CHRDL2: variants seen among roughly 807,000 people sequenced by gnomAD.
CHRDL2 encodes the protein chordin-like protein 2.
Under a neutral mutation model 54.3 loss-of-function variants are expected in CHRDL2, and 41 were observed. That is an observed-to-expected ratio of 0.76 (90% confidence interval 0.59 to 0.98). The LOEUF is 0.98. Ranked by LOEUF, CHRDL2 falls within the 50% of genes least tolerant of loss-of-function variation. The pLI is 0.00. For synonymous variants in CHRDL2, 220 were observed against 224.3 expected, an observed-to-expected ratio of 0.98 and a Z score of 0.17; for missense variants, 518 against 562.4, an observed-to-expected ratio of 0.92 and a Z score of 0.80.
At chr11:74,706,657 CA>C (rs1245768158) in intron 5 of CHRDL2, 115 bp from the exon 6 acceptor site, 3 of 908,892 alleles carry the variant, frequency 3.3e-6, no homozygotes, top group Non-Finnish European at 5.3e-6. Context: ...GTCCCATCTG[CA>C]GCCCCAGCCC....
Position 74,711,897 on chromosome 11 carries a change from C to G in CHRDL2, c.290-906G>C, listed in dbSNP as rs183808287. ...CGATCTCAGCTCACTGCAACCTCCA[C>G]CTCCCAGCTTCAAGCAATTCTCCTG... On this transcript the variant is annotated intron_variant, in intron 3 of 10. Transcript: ENST00000376332. Among the ~76,000 whole-genome samples, 57 of 152,074 alleles carry G rather than the reference C, an allele frequency of 3.7e-4. No homozygotes were observed. In the East Asian group the frequency reaches 8.9e-3, roughly 24 times the overall value.
chr11:74,698,245 T>TTG (rs59506250), intron 9 of CHRDL2: 1 of 137,024 alleles, frequency 7.3e-6, no homozygotes, highest in Non-Finnish European at 1.6e-5. Flanking sequence ...TTTTTTTTTT[T>TTG]GTATTTTTAG....
At chr11:74,697,180 C>T (rs1379819089) in intron 10 of CHRDL2, 25 bp downstream of exon 10, 1 of 1,590,338 alleles carries the variant, frequency 6.3e-7, no homozygotes, top group Non-Finnish European at 8.6e-7. Context: ...CTGCCCCGGC[C>T]CCATTCCTCA....
intron 1 of CHRDL2, among the ~76,000 whole-genome samples, chr11:74,729,156 T>G (rs1441277939): frequency 6.6e-6 from 1 of 152,162 alleles, no homozygotes; most frequent in East Asian, 1.9e-4. Flanking sequence ...TCAAGGGCAA[T>G]GATATCTGGA....
At chr11:74,703,631 A>G in intron 7 of CHRDL2, 132 bp from the exon 8 acceptor site, 2 of 720,266 alleles carry the variant, frequency 2.8e-6, no homozygotes, top group Non-Finnish European at 4.5e-6. Flanking sequence ...CACTGCCTGC[A>G]AAGCATAGGC....
intron 9 of CHRDL2, among the ~76,000 whole-genome samples, chr11:74,702,502 A>AG (rs2135236966): frequency 6.6e-6 from 1 of 152,272 alleles, no homozygotes; most frequent in East Asian, 1.9e-4. Context: ...TCCTGCCATT[A>AG]GACATCTGTC....
At chr11:74,723,197 C>G (rs1436532867) in intron 1 of CHRDL2, among the ~76,000 whole-genome samples, 1 of 152,132 alleles carries the variant, frequency 6.6e-6, no homozygotes, top group East Asian at 1.9e-4. Context: ...TTGGGACAGA[C>G]TGGATAGGAT....
intron 9 of CHRDL2, chr11:74,699,713 C>G (rs141505976): frequency 2.0e-5 from 3 of 152,290 alleles, no homozygotes; most frequent in Non-Finnish European, 4.4e-5. Context: ...GGGGCTGGCC[C>G]CTCGTGGTGT....
chr11:74,711,514 C>T (rs976849373), intron 3 of CHRDL2, among the ~76,000 whole-genome samples: 3 of 152,202 alleles, frequency 2.0e-5, no homozygotes, highest in South Asian at 2.1e-4. Flanking sequence ...ATCACCTGCC[C>T]ATCAGTCCGT....
Position 74,702,829 on chromosome 11 carries a change from T to C in CHRDL2, c.1085A>G (p.Asp362Gly), listed in dbSNP as rs770225911. The change falls in exon 9 of 11, where the codon GAC becomes GGC. Residue 362 changes from aspartate to glycine, a missense_variant. Transcript: ENST00000376332. ...CTTCCAGAGGTAGATCTCCACCAAG[T>C]CCGAGGCCTCGTGTTCCAGGGCAAA... ...RRFALEHEASDLVEIYLWKLV... is the reference protein window; with the variant it reads ...RRFALEHEASGLVEIYLWKLV... 2.5e-6 allele frequency: 4 copies of C among 1,614,088 alleles called. No homozygotes were observed. Among genetic ancestry groups the C allele is most frequent in the East Asian group, 4.5e-5 (2 of 44,850 alleles).
At chr11:74,698,716 CA>C (rs879654475) in intron 9 of CHRDL2, 7,079 of 150,460 alleles carry the variant, frequency 0.047, 175 homozygotes, top group Middle Eastern at 0.068. Context: ...CACACACACA[CA>C]CACACCCCAC....
At position 74,708,381 on chromosome 11, in the gene CHRDL2, G is replaced by C; in HGVS notation, c.447C>G (p.Tyr149Ter). Reference sequence around the variant, plus strand: ...GTTCGGGGCAGGTTGTGAGGCCGCAGTAGATCTGGCCCTCCTGACAGATAG... The same window carrying C: ...GTTCGGGGCAGGTTGTGAGGCCGCACTAGATCTGGCCCTCCTGACAGATAG... Reference protein sequence around the residue: ...VLCSCTEGQIYCGLTTCPEPG... With the variant: ...VLCSCTEGQI The change falls in exon 5 of 11, where the codon TAC (tyrosine) becomes TAG (stop). Residue 149 changes from tyrosine to a stop codon, truncating the protein, a stop_gained. Coordinates refer to ENST00000376332, the MANE Select transcript of CHRDL2 (RefSeq NM_001278473.3). LOFTEE classifies it high-confidence loss of function. 1.3e-6 allele frequency: 2 copies of C among 1,584,160 alleles called. No individual in the cohort carries two copies. Among genetic ancestry groups the C allele is most frequent in the Non-Finnish European group, 1.7e-6 (2 of 1,167,632 alleles).
chr11:74,726,912 G>T (rs1310785509), intron 1 of CHRDL2, among the ~76,000 whole-genome samples: 1 of 152,166 alleles, frequency 6.6e-6, no homozygotes, highest in African/African-American at 2.4e-5. Context: ...CAGACAAGCA[G>T]GTCCCCTCTG....
intron 1 of CHRDL2, among the ~76,000 whole-genome samples, chr11:74,726,764 G>T (rs1308358193): frequency 6.6e-6 from 1 of 152,218 alleles, no homozygotes; most frequent in Non-Finnish European, 1.5e-5. Context: ...CTGCTGGTGG[G>T]AGAGGAGAGG....
chr11:74,701,432 A>G, intron 9 of CHRDL2: 1 of 542,854 alleles, frequency 1.8e-6, no homozygotes, highest in Non-Finnish European at 3.4e-6. Context: ...CTTCAGAGCC[A>G]CGAAGCCAGC....
intron 2 of CHRDL2, 33 bp from the exon 3 acceptor site, chr11:74,713,512 A>G (rs752492413): frequency 1.3e-6 from 2 of 1,560,314 alleles, no homozygotes; most frequent in East Asian, 2.2e-5. Flanking sequence ...CCCTGGTTCA[A>G]AGAACCATCG....
At chr11:74,697,448 C>T in intron 9 of CHRDL2, 151 bp from the exon 10 acceptor site, 1 of 641,500 alleles carries the variant, frequency 1.6e-6, no homozygotes, top group Non-Finnish European at 2.8e-6. Flanking sequence ...GACATTTCCT[C>T]AATATTTTGA....
chr11:74,726,726 T>G (rs1436940828), intron 1 of CHRDL2, among the ~76,000 whole-genome samples: 2 of 152,204 alleles, frequency 1.3e-5, no homozygotes, highest in Non-Finnish European at 2.9e-5. Context: ...CTCAGCAGCC[T>G]GTGCGCCAGT....
intron 1 of CHRDL2, among the ~76,000 whole-genome samples, chr11:74,722,495 A>T (rs2034513804): frequency 6.6e-6 from 1 of 152,188 alleles, no homozygotes; most frequent in Non-Finnish European, 1.5e-5. Flanking sequence ...TAGGTCAGAT[A>T]ATATATGTAA....
Sources: gnomAD v4.1 joint callset for allele counts (sites outside exome capture counted in the v4.1 genomes callset) on GRCh38, gnomAD v4.1.1 for gene constraint, MANE v1.5 for transcripts, NCBI Gene and HGNC (gene_info 2026-07-23, HGNC 2026-07-21) for gene names.